Variants in VTCN1 observed in about 807,000 individuals in gnomAD.
The protein encoded by VTCN1 is V-set domain containing T cell activation inhibitor 1.
Under a neutral mutation model 26.5 loss-of-function variants are expected in VTCN1, and 26 were observed. That is an observed-to-expected ratio of 0.98 (90% confidence interval 0.72 to 1.36). The LOEUF is 1.36. Ranked by LOEUF, VTCN1 falls within the 40% of genes most tolerant of loss-of-function variation. VTCN1 has a pLI of 0.00. For missense variants in VTCN1, 298 were observed against 337.7 expected, an observed-to-expected ratio of 0.88 and a Z score of 0.92; for synonymous variants, 116 against 130.7, an observed-to-expected ratio of 0.89 and a Z score of 0.77.
At chr1:117,198,735 G>A (rs981498446) in intron 1 of VTCN1, among the ~76,000 whole-genome samples, 6 of 152,154 alleles carry the variant, frequency 3.9e-5, no homozygotes, top group Non-Finnish European at 7.4e-5. Flanking sequence ...CAATGAGACG[G>A]CAGTCAAAAC....
rs774266140 is a variant in VTCN1 at position 117,156,982 on chromosome 1, C to G, written c.98-61G>C. ...AGCCTTGGAACTTCTACAACCAAAC[C>G]CTTCATTGCTGAAAGCCAGACAGAG... On this transcript the variant is annotated intron_variant, in intron 2 of 5. Coordinates refer to ENST00000369458, the MANE Select transcript of VTCN1 (RefSeq NM_024626.4). 3.1e-6 allele frequency: 5 copies of G among 1,611,252 alleles called. No individual in the cohort carries two copies. The South Asian group carries it at 5.5e-5, about 18-fold the overall frequency.
In VTCN1 at chr1:117,155,493, C is replaced by T. The variant is rs146402141; in HGVS notation, c.445+1081G>A. On this transcript the variant is annotated intron_variant, in intron 3 of 5. Coordinates refer to ENST00000369458, the MANE Select transcript of VTCN1 (RefSeq NM_024626.4). This position sits in a 1 kb window ranked among gnomAD's most constrained non-coding sequence, Gnocchi z 4.8. Reference sequence around the variant, plus strand: ...TGAAGTCATATGTATTTATTCTATACCTTTGAGTTATAATTCAATACTATG... The same window carrying T: ...TGAAGTCATATGTATTTATTCTATATCTTTGAGTTATAATTCAATACTATG... Among the ~76,000 whole-genome samples, 1 of 152,146 alleles carries T rather than the reference C, an allele frequency of 6.6e-6. No homozygotes were observed. Among genetic ancestry groups the T allele is most frequent in the East Asian group, 1.9e-4 (1 of 5,202 alleles).
At chr1:117,178,557 C>A (rs1351223563) in intron 1 of VTCN1, among the ~76,000 whole-genome samples, 1 of 148,322 alleles carries the variant, frequency 6.7e-6, no homozygotes, top group East Asian at 2.0e-4. Context: ...TGCACCGCAC[C>A]TGGCCTTCAG....
rs143022730 is a variant in VTCN1, at chr1:117,207,135, T to C, written c.32+3689A>G. On this transcript the variant is annotated intron_variant, in intron 1 of 5. Coordinates refer to ENST00000369458, the MANE Select transcript of VTCN1 (RefSeq NM_024626.4). The stretch of plus-strand genomic sequence containing the variant: ...TGAGCCAGGCACCAGCTTGCAAACT[T>C]AGGAGAAATGGGAAACCAAAATTCC... 2.9e-4 allele frequency among the ~76,000 whole-genome samples: 44 copies of C among 152,246 alleles called. No homozygotes were observed. In the East Asian group the frequency reaches 8.1e-3, roughly 28 times the overall value.
intron 1 of VTCN1, among the ~76,000 whole-genome samples, chr1:117,180,828 C>T (rs1332842715): frequency 6.6e-6 from 1 of 152,234 alleles, no homozygotes; most frequent in Non-Finnish European, 1.5e-5. Context: ...TCCTCCAGCC[C>T]AGCCATAGAT....
At chr1:117,154,407 C>CA (rs1423078297) in intron 3 of VTCN1, among the ~76,000 whole-genome samples, 6 of 152,134 alleles carry the variant, frequency 3.9e-5, no homozygotes, top group Non-Finnish European at 5.9e-5. Context: ...AGAAAAGTTG[C>CA]ATAGAAGGTA....
chr1:117,166,521 G>A (rs549693439), intron 2 of VTCN1, among the ~76,000 whole-genome samples: 5 of 151,958 alleles, frequency 3.3e-5, no homozygotes, highest in African/African-American at 7.2e-5. Context: ...TTGGAAGGCC[G>A]AGGCGGGTGG....
rs1308846155 is a variant in VTCN1, at chr1:117,170,097, A to C, written c.97+10T>G. The C allele has an allele frequency of 6.2e-7, 1 of 1,612,298 alleles. No individual in the cohort carries two copies. The highest frequency in any genetic ancestry group is 1.7e-5 in the Admixed American group (1 of 60,024). ...GTGAATAGATTGTAGTAATGCAAGA[A>C]ATCACATACCTGAAATACCAAAGCC... On this transcript the variant is annotated intron_variant, in intron 2 of 5. Coordinates refer to ENST00000369458, the MANE Select transcript of VTCN1 (RefSeq NM_024626.4).
In VTCN1 at chr1:117,197,315, T is replaced by A. The variant is rs139364408; in HGVS notation, c.32+13509A>T. 2.2e-3 allele frequency among the ~76,000 whole-genome samples: 332 copies of A among 152,148 alleles called. 1 individual carries two copies. The highest frequency in any genetic ancestry group is 7.7e-3 in the African/African-American group (318 of 41,496). ...AGAGAAGTAGCAATGTTCACACCCCTCCCCCTTCTCATTGCTCTCAGAGAA... is the reference window on the plus strand; with the variant it reads ...AGAGAAGTAGCAATGTTCACACCCCACCCCCTTCTCATTGCTCTCAGAGAA... On this transcript the variant is annotated intron_variant, in intron 1 of 5. Transcript: ENST00000369458.
intron 1 of VTCN1, among the ~76,000 whole-genome samples, chr1:117,201,291 GTC>G (rs1557879002): frequency 5.9e-5 from 9 of 152,150 alleles, no homozygotes; most frequent in Non-Finnish European, 1.3e-4. Context: ...GAATGAGACT[GTC>G]ATAGCCCAAG....
At chr1:117,148,360 T>C (rs1651621050) in intron 4 of VTCN1, among the ~76,000 whole-genome samples, 1 of 152,204 alleles carries the variant, frequency 6.6e-6, no homozygotes, top group Admixed American at 6.5e-5. Flanking sequence ...TCTTCATCTA[T>C]AAATAGGGCT....
intron 2 of VTCN1, among the ~76,000 whole-genome samples, chr1:117,163,148 C>T (rs1262065195): frequency 3.3e-5 from 5 of 152,124 alleles, no homozygotes; most frequent in East Asian, 1.9e-4. Context: ...CAGTTGCTTC[C>T]GTGAGAAGAA....
At position 117,204,876 on chromosome 1, in the gene VTCN1, A is replaced by G. The variant is rs552353911; in HGVS notation, c.32+5948T>C. 2.0e-5 allele frequency among the ~76,000 whole-genome samples: 3 copies of G among 151,878 alleles called. No homozygotes were observed. In the East Asian group the frequency reaches 5.8e-4, roughly 30 times the overall value. ...GCGAGACTCTGTCTCACAAAAAAGA[A>G]AAAAGAAAAAACCCTGTTCTACCAT... On this transcript the variant is annotated intron_variant, in intron 1 of 5. Coordinates refer to ENST00000369458, the MANE Select transcript of VTCN1 (RefSeq NM_024626.4).
intron 1 of VTCN1, among the ~76,000 whole-genome samples, chr1:117,177,097 TCAAAAAAAC>T (rs937680774): frequency 1.3e-5 from 2 of 151,890 alleles, no homozygotes; most frequent in Non-Finnish European, 2.9e-5. Context: ...AGACTCCATT[TCAAAAAAAC>T]CAAAAAAACA....
At position 117,180,894 on chromosome 1, in the gene VTCN1, A is replaced by G. The variant is rs532123432; in HGVS notation, c.33-10723T>C. ...GATCATTTCTGGAATGGATGCAACAAAAAGAAGCTGCTGCTATTCCTCCCC... is the reference window on the plus strand; with the variant it reads ...GATCATTTCTGGAATGGATGCAACAGAAAGAAGCTGCTGCTATTCCTCCCC... On this transcript the variant is annotated intron_variant, in intron 1 of 5. Coordinates refer to ENST00000369458, the MANE Select transcript of VTCN1 (RefSeq NM_024626.4). 4.6e-5 allele frequency among the ~76,000 whole-genome samples: 7 copies of G among 152,350 alleles called. No individual in the cohort carries two copies. In the East Asian group the frequency reaches 1.2e-3, roughly 25 times the overall value.
intron 1 of VTCN1, among the ~76,000 whole-genome samples, chr1:117,170,742 T>C (rs1652866815): frequency 6.6e-6 from 1 of 152,146 alleles, no homozygotes. Context: ...CTACAGAAAG[T>C]TTAGAAAATA....
rs1289695165 is a variant in VTCN1, at chr1:117,161,340, G to A, written c.98-4419C>T. Among the ~76,000 whole-genome samples, 1 of 152,188 alleles carries A rather than the reference G, an allele frequency of 6.6e-6. No homozygotes were observed. The highest frequency in any genetic ancestry group is 1.5e-5 in the Non-Finnish European group (1 of 68,042). Reference sequence around the variant, plus strand: ...CTCACACTTCTTTAACACCAGTTATGCAAATTCTACTTATATTCAAAGTCC... The same window carrying A: ...CTCACACTTCTTTAACACCAGTTATACAAATTCTACTTATATTCAAAGTCC... On this transcript the variant is annotated intron_variant, in intron 2 of 5. Transcript: ENST00000369458. This position sits in a 1 kb window ranked among gnomAD's most constrained non-coding sequence, Gnocchi z 4.3.
In VTCN1 at chr1:117,147,531, G is replaced by T; in HGVS notation, c.*45+82C>A. The T allele has an allele frequency of 8.6e-7, 1 of 1,168,008 alleles. No individual in the cohort carries two copies. The highest frequency in any genetic ancestry group is 1.2e-6 in the Non-Finnish European group (1 of 844,232). The allele number at this position is 1,168,008 out of a possible 1,614,324, so 72.4% of individuals were successfully genotyped here. A position where few individuals can be genotyped will look rare whatever the true frequency, so the allele number is the denominator to read the frequency against. On this transcript the variant is annotated intron_variant, in intron 5 of 5. Transcript: ENST00000369458. The surrounding 1 kb of genome is among the most constrained non-coding windows in gnomAD (Gnocchi z 4.6). ...TCATTAAATGTTTCTTTCTGTGGCT[G>T]ATGCTGAAGGCTATCCGACTCTCAT...
Position 117,175,773 on chromosome 1 carries a change from C to CTTT in VTCN1, c.33-5605_33-5603dup, listed in dbSNP as rs1283482845. ...GATACCTATCTCTCTCTCTCTCTCTCTTTTTTTTTTTTTTTGAGATGGAGT... is the reference window on the plus strand; with the variant it reads ...GATACCTATCTCTCTCTCTCTCTCTCTTTTTTTTTTTTTTTTTTGAGATGGAGT... On this transcript the variant is annotated intron_variant, in intron 1 of 5. Coordinates refer to ENST00000369458, the MANE Select transcript of VTCN1 (RefSeq NM_024626.4). This position sits in a 1 kb window ranked among gnomAD's most constrained non-coding sequence, Gnocchi z 4.2. Among the ~76,000 whole-genome samples, 2 of 38,296 alleles carry CTTT rather than the reference C, an allele frequency of 5.2e-5. No individual in the cohort carries two copies. The highest frequency in any genetic ancestry group is 8.7e-5 in the African/African-American group (2 of 22,858). 25.1% of individuals were successfully genotyped at this position (38,296 alleles called of 152,430 possible).
Sources: gnomAD v4.1 joint callset for allele counts (sites outside exome capture counted in the v4.1 genomes callset) on GRCh38, gnomAD v4.1.1 for gene constraint, Gnocchi (gnomAD v3.1) non-coding constraint, MANE v1.5 for transcripts, NCBI Gene and HGNC (gene_info 2026-07-23, HGNC 2026-07-21) for gene names.